The following PDSS2 variants were observed in gnomAD, a reference collection of about 807,000 sequenced individuals.
PDSS2 encodes the protein decaprenyl diphosphate synthase subunit 2, also known as all trans-polyprenyl-diphosphate synthase PDSS2.
A neutral mutation model predicts 44.5 loss-of-function variants in PDSS2; 31 were observed. The ratio of observed to expected loss-of-function variants is 0.70; its 90% CI spans 0.52 to 0.94. The LOEUF is 0.94. Ranked by LOEUF, PDSS2 falls within the 40% of genes least tolerant of loss-of-function variation. The pLI is 0.00. For missense variants in PDSS2, 452 were observed against 482.2 expected, an observed-to-expected ratio of 0.94 and a Z score of 0.59; for synonymous variants, 157 against 180.3, an observed-to-expected ratio of 0.87 and a Z score of 1.03.
At chr6:107,394,482 A>G (rs1468692917) in intron 1 of PDSS2, among the ~76,000 whole-genome samples, 5 of 152,122 alleles carry the variant, frequency 3.3e-5, no homozygotes, top group African/African-American at 9.7e-5. Flanking sequence ...ACCAGCTCTC[A>G]TAAGAACTCA....
intron 1 of PDSS2, among the ~76,000 whole-genome samples, chr6:107,374,016 G>A (rs1779205024): frequency 6.6e-6 from 1 of 152,094 alleles, no homozygotes; most frequent in African/African-American, 2.4e-5. Context: ...AACTTTGGGA[G>A]GCCGAGGCAC....
intron 1 of PDSS2, among the ~76,000 whole-genome samples, chr6:107,445,707 G>C (rs192383297): frequency 2.0e-5 from 3 of 152,118 alleles, no homozygotes; most frequent in Non-Finnish European, 2.9e-5. Context: ...GAGAACTGAC[G>C]ACGGCTTCCT....
chr6:107,208,392 G>A (rs2114613544), intron 6 of PDSS2, among the ~76,000 whole-genome samples: 1 of 143,884 alleles, frequency 7.0e-6, no homozygotes, highest in African/African-American at 2.6e-5. Context: ...TACCTCCCAG[G>A]TTCAAGTGAT....
chr6:107,443,476 A>T (rs1330270865), intron 1 of PDSS2, among the ~76,000 whole-genome samples: 8 of 152,266 alleles, frequency 5.3e-5, no homozygotes, highest in Non-Finnish European at 1.0e-4. Context: ...CTGAATAAAC[A>T]AATTGCTCTA....
At chr6:107,253,957 G>A (rs898628401) in intron 3 of PDSS2, among the ~76,000 whole-genome samples, 1 of 151,762 alleles carries the variant, frequency 6.6e-6, no homozygotes, top group African/African-American at 2.4e-5. Flanking sequence ...GAGGCCAGAA[G>A]TTTTGAGACT....
chr6:107,398,066 T>C (rs1780002103), intron 1 of PDSS2, among the ~76,000 whole-genome samples: 1 of 152,182 alleles, frequency 6.6e-6, no homozygotes, highest in Non-Finnish European at 1.5e-5. Context: ...GATTCCACTC[T>C]GTAACTAACC....
intron 2 of PDSS2, among the ~76,000 whole-genome samples, chr6:107,296,297 G>A (rs750863931): frequency 6.6e-6 from 1 of 152,188 alleles, no homozygotes; most frequent in Non-Finnish European, 1.5e-5. Flanking sequence ...GTGTATGACA[G>A]AGCTGGCATT....
chr6:107,354,075 C>A (rs1778513285), intron 1 of PDSS2, among the ~76,000 whole-genome samples: 1 of 152,108 alleles, frequency 6.6e-6, no homozygotes, highest in Admixed American at 6.6e-5. Flanking sequence ...AATATACTAA[C>A]CACAAGATGT....
At chr6:107,429,901 A>ATATATATAT (rs1554280467) in intron 1 of PDSS2, among the ~76,000 whole-genome samples, 10 of 31,790 alleles carry the variant, frequency 3.1e-4, no homozygotes, top group South Asian at 2.6e-3. Context: ...AAAAAAAAAA[A>ATATATATAT]ATATATATAT....
intron 7 of PDSS2, chr6:107,192,507 T>C (rs1213948248): frequency 2.7e-6 from 1 of 371,674 alleles, no homozygotes; most frequent in African/African-American, 2.2e-5. Flanking sequence ...CTGCTCCTAG[T>C]AAATCTGTAA....
chr6:107,343,229 T>C (rs1197234700), intron 1 of PDSS2, among the ~76,000 whole-genome samples: 1 of 152,226 alleles, frequency 6.6e-6, no homozygotes, highest in Non-Finnish European at 1.5e-5. Context: ...TTGGTAAGAT[T>C]CCTATTAATG....
chr6:107,248,191 T>C (rs1228634362), intron 3 of PDSS2, among the ~76,000 whole-genome samples: 1 of 152,092 alleles, frequency 6.6e-6, no homozygotes, highest in Non-Finnish European at 1.5e-5. Context: ...ACTGCTATAC[T>C]TACATTTAAG....
chr6:107,346,819 A>T (rs988308913), intron 1 of PDSS2, among the ~76,000 whole-genome samples: 5 of 152,246 alleles, frequency 3.3e-5, no homozygotes, highest in Admixed American at 1.3e-4. Context: ...GAAACATTTT[A>T]AAAAATATTT....
chr6:107,372,648 T>C (rs529256465), intron 1 of PDSS2, among the ~76,000 whole-genome samples: 2 of 152,160 alleles, frequency 1.3e-5, no homozygotes, highest in South Asian at 4.2e-4. Context: ...GAGACAGGGT[T>C]TCACCGTATT....
rs35614951 is a variant in PDSS2 at position 107,245,418 on chromosome 6, CAAAAAAAAAA to C, written c.702+120_702+129del. ...ATGAATTTGTAGCCAAAACACTAAT[CAAAAAAAAAA>C]AAAAAAAAAAAAAAAAAGCCATGTA... On this transcript the variant is annotated intron_variant, in intron 4 of 7. Coordinates refer to ENST00000369037, the MANE Select transcript of PDSS2 (RefSeq NM_020381.4). 1.1e-3 allele frequency: 131 copies of C among 120,358 alleles called. 1 individual carries two copies. The highest frequency in any genetic ancestry group is 9.5e-3 in the African/African-American group (85 of 8,942). The allele number at this position is 120,358 out of a possible 1,614,324, so 7.5% of individuals were successfully genotyped here.
intron 1 of PDSS2, among the ~76,000 whole-genome samples, chr6:107,427,373 T>G (rs1209508147): frequency 6.6e-6 from 1 of 152,228 alleles, no homozygotes; most frequent in Non-Finnish European, 1.5e-5. Flanking sequence ...CATCTTTTTT[T>G]CTTCCCAGTC....
chr6:107,170,832 C>T (rs139549992), intron 7 of PDSS2, among the ~76,000 whole-genome samples: 2,403 of 152,042 alleles, frequency 0.016, 63 homozygotes, highest in African/African-American at 0.054. Flanking sequence ...AGGCTGGTGT[C>T]GAACTCCTGA....
chr6:107,333,422 T>A (rs1777773581), intron 2 of PDSS2, among the ~76,000 whole-genome samples: 1 of 152,262 alleles, frequency 6.6e-6, no homozygotes, highest in South Asian at 2.1e-4. Flanking sequence ...CAAATTTGTT[T>A]TTTAATCTAA....
chr6:107,352,685 T>G (rs914818293), intron 1 of PDSS2, among the ~76,000 whole-genome samples: 5 of 152,230 alleles, frequency 3.3e-5, no homozygotes, highest in Non-Finnish European at 7.3e-5. Context: ...CTGGTTCATA[T>G]AGAGAAGTGG....
Sources: allele counts gnomAD v4.1 joint callset (sites outside exome capture counted in the v4.1 genomes callset), GRCh38; gene constraint gnomAD v4.1.1; transcripts MANE v1.5; gene names NCBI Gene and HGNC (gene_info 2026-07-23, HGNC 2026-07-21).